Variants in PDIA5 observed in about 807,000 individuals in gnomAD.
PDIA5 encodes protein disulfide-isomerase A5.
In PDIA5, 58 loss-of-function variants were observed where a neutral mutation model predicts 77.6. The observed-to-expected ratio is 0.75, with a 90% CI of 0.61 to 0.93. PDIA5 has a LOEUF of 0.93. PDIA5 is among the 40% of genes least tolerant of loss of function. PDIA5 has a pLI of 0.00. For missense variants in PDIA5, 630 were observed against 647.7 expected, an observed-to-expected ratio of 0.97 and a Z score of 0.30; for synonymous variants, 250 against 252.1, an observed-to-expected ratio of 0.99 and a Z score of 0.08.
At chr3:123,121,160 A>G (rs2107953624) in intron 8 of PDIA5, among the ~76,000 whole-genome samples, 1 of 152,266 alleles carries the variant, frequency 6.6e-6, no homozygotes, top group Admixed American at 6.5e-5. Flanking sequence ...TTAGATGGAA[A>G]TGTGCTCCAT....
chr3:123,146,357 G>A, intron 13 of PDIA5, 98 bp downstream of exon 13: 1 of 1,024,854 alleles, frequency 9.8e-7, no homozygotes, highest in Non-Finnish European at 1.5e-6. Flanking sequence ...TCAATGTCCT[G>A]GGCTCATGCC....
At chr3:123,111,425 C>T (rs1239736809) in intron 7 of PDIA5, among the ~76,000 whole-genome samples, 2 of 152,244 alleles carry the variant, frequency 1.3e-5, no homozygotes, top group African/African-American at 2.4e-5. Context: ...GCTCTGGCTC[C>T]CGCATCCTCT....
At chr3:123,130,115 C>G (rs1229192651) in intron 10 of PDIA5, among the ~76,000 whole-genome samples, 1 of 152,186 alleles carries the variant, frequency 6.6e-6, no homozygotes, top group Non-Finnish European at 1.5e-5. Context: ...TTCACTGTTG[C>G]TATTTATTCT....
intron 1 of PDIA5, among the ~76,000 whole-genome samples, chr3:123,086,274 T>C (rs1227293860): frequency 6.6e-6 from 1 of 152,250 alleles, no homozygotes; most frequent in Non-Finnish European, 1.5e-5. Context: ...TCCCATTTCA[T>C]CCTCATATCA....
intron 11 of PDIA5, among the ~76,000 whole-genome samples, chr3:123,133,958 G>A (rs563700003): frequency 6.6e-6 from 1 of 152,018 alleles, no homozygotes; most frequent in South Asian, 2.1e-4. Flanking sequence ...TTTCTTTGCA[G>A]TGTTGTTTGT....
chr3:123,115,641 C>T (rs1383975949), intron 7 of PDIA5, among the ~76,000 whole-genome samples: 1 of 152,086 alleles, frequency 6.6e-6, no homozygotes, highest in Non-Finnish European at 1.5e-5. Context: ...CGCATGGCAT[C>T]CCGATTCCTG....
intron 8 of PDIA5, among the ~76,000 whole-genome samples, chr3:123,119,536 C>A (rs1935060129): frequency 1.3e-5 from 2 of 152,162 alleles, no homozygotes; most frequent in South Asian, 4.1e-4. Flanking sequence ...CCTTTCCCAG[C>A]TACATAAAGA....
chr3:123,091,484 C>G (rs945743256), intron 2 of PDIA5, among the ~76,000 whole-genome samples: 8 of 152,184 alleles, frequency 5.3e-5, no homozygotes, highest in Non-Finnish European at 1.0e-4. Flanking sequence ...GAATCAAACA[C>G]TGGCCACAGC....
At chr3:123,134,807 C>T (rs1935458577) in intron 11 of PDIA5, among the ~76,000 whole-genome samples, 1 of 152,238 alleles carries the variant, frequency 6.6e-6, no homozygotes, top group African/African-American at 2.4e-5. Context: ...GTTTGCCCCA[C>T]AGCCCTGTCC....
rs372369512 is a variant in PDIA5 at position 123,146,179 on chromosome 3, G to T, written c.1062G>T (p.Thr354=). 3 of 1,614,002 alleles carry T rather than the reference G, an allele frequency of 1.9e-6. No homozygotes were observed. Among genetic ancestry groups the T allele is most frequent in the Admixed American group, 3.3e-5 (2 of 60,024 alleles). ...AERFHISEFP[T]LKYFKNGEKY... ...GATTCCACATCTCAGAGTTTCCTAC[G>T]TTGAAGTATTTTAAGAATGGAGAGA... Residue 354 remains threonine (T), a synonymous_variant, in exon 13 of 17, where the codon ACG becomes ACT. Transcript: ENST00000316218.
chr3:123,142,239 A>G (rs1935653272), intron 11 of PDIA5, among the ~76,000 whole-genome samples: 1 of 152,238 alleles, frequency 6.6e-6, no homozygotes, highest in Admixed American at 6.5e-5. Context: ...CATTGGGAGC[A>G]GGCTCAGGGA....
chr3:123,082,500 G>A (rs775121580), intron 1 of PDIA5, among the ~76,000 whole-genome samples: 9 of 152,046 alleles, frequency 5.9e-5, no homozygotes, highest in Admixed American at 1.3e-4. Flanking sequence ...TAAATGTGCC[G>A]TGTGACCTCT....
At chr3:123,085,910 T>A (rs774651476) in intron 1 of PDIA5, among the ~76,000 whole-genome samples, 4 of 152,222 alleles carry the variant, frequency 2.6e-5, no homozygotes, top group Non-Finnish European at 5.9e-5. Flanking sequence ...GAGTTTTCAG[T>A]CTGAAGTCCG....
intron 11 of PDIA5, among the ~76,000 whole-genome samples, chr3:123,136,361 G>A (rs753739235): frequency 2.6e-5 from 4 of 152,274 alleles, no homozygotes; most frequent in Non-Finnish European, 2.9e-5. Flanking sequence ...CACTCTCCAC[G>A]CCGTGCCCCT....
intron 2 of PDIA5, among the ~76,000 whole-genome samples, chr3:123,090,072 T>A (rs1051125118): frequency 1.3e-5 from 2 of 152,156 alleles, no homozygotes; most frequent in African/African-American, 4.8e-5. Context: ...CCGGGCAAAG[T>A]TTTCCCCGGC....
intron 14 of PDIA5, among the ~76,000 whole-genome samples, chr3:123,150,704 C>T (rs929265835): frequency 1.3e-5 from 2 of 151,938 alleles, no homozygotes; most frequent in African/African-American, 4.8e-5. Context: ...GCTGTCCCCG[C>T]CCCCTCTTCC....
chr3:123,151,488 G>A (rs1448898303), intron 14 of PDIA5, among the ~76,000 whole-genome samples: 3 of 152,246 alleles, frequency 2.0e-5, no homozygotes, highest in African/African-American at 7.2e-5. Flanking sequence ...AGCAGCAAGT[G>A]AGAACCTGGC....
intron 8 of PDIA5, among the ~76,000 whole-genome samples, chr3:123,123,704 G>A (rs1263635833): frequency 1.3e-5 from 2 of 152,240 alleles, no homozygotes; most frequent in Non-Finnish European, 2.9e-5. Context: ...AGAAATAGGC[G>A]TAACACATCC....
intron 1 of PDIA5, among the ~76,000 whole-genome samples, chr3:123,085,004 T>C (rs1168833186): frequency 6.6e-6 from 1 of 152,180 alleles, no homozygotes. Flanking sequence ...GGGCAGGCTT[T>C]GAAGAGCCCA....
Sources: gnomAD v4.1 joint callset for allele counts (sites outside exome capture counted in the v4.1 genomes callset) on GRCh38, gnomAD v4.1.1 for gene constraint, MANE v1.5 for transcripts, NCBI Gene and HGNC (gene_info 2026-07-23, HGNC 2026-07-21) for gene names.